Variants in PRKN observed in about 807,000 individuals in gnomAD.
PRKN encodes the protein parkin RBR E3 ubiquitin protein ligase, also known as E3 ubiquitin-protein ligase parkin.
PRKN carries 56 observed loss-of-function variants against 59.5 expected under a neutral mutation model. The observed-to-expected ratio is 0.94, with a 90% CI of 0.76 to 1.18. The LOEUF is 1.18. Ranked by LOEUF, PRKN falls within the 50% of genes most tolerant of loss-of-function variation. The pLI is 0.00. For missense variants in PRKN, 657 were observed against 596.4 expected (o/e 1.10, Z -1.06); for synonymous variants, 250 against 222.1 (o/e 1.13, Z -1.12).
At chr6:161,633,556 A>C (rs1783394754) in intron 7 of PRKN, among the ~76,000 whole-genome samples, 1 of 152,260 alleles carries the variant, frequency 6.6e-6, no homozygotes, top group African/African-American at 2.4e-5. Flanking sequence ...AGGATTTTGT[A>C]AAAGCCACAT....
Position 162,458,229 on chromosome 6 carries a change from C to G in PRKN, c.8-14756G>C, listed in dbSNP as rs370896508. Among the ~76,000 whole-genome samples, 782 of 123,564 alleles carry G rather than the reference C, an allele frequency of 6.3e-3. 7 individuals are homozygous for G. The highest frequency in any genetic ancestry group is 0.022 in the African/African-American group (748 of 34,050). 81.1% of individuals were successfully genotyped at this position (123,564 alleles called of 152,430 possible). A position where few individuals can be genotyped will look rare whatever the true frequency, so the allele number is the denominator to read the frequency against. Reference sequence around the variant, plus strand: ...CAAGATCGCTCCACTGCACTCCAGCCTGGGTGATAGAGTGAGACTCTATCT... The same window carrying G: ...CAAGATCGCTCCACTGCACTCCAGCGTGGGTGATAGAGTGAGACTCTATCT... On this transcript the variant is annotated intron_variant, in intron 1 of 11. Coordinates refer to ENST00000366898, the MANE Select transcript of PRKN (RefSeq NM_004562.3).
intron 4 of PRKN, among the ~76,000 whole-genome samples, chr6:162,174,336 C>A: frequency 6.6e-6 from 1 of 152,156 alleles, no homozygotes; most frequent in East Asian, 1.9e-4. Context: ...AATTTGCCCA[C>A]ACGCTAAATA....
chr6:162,134,411 GT>G (rs1189276706), intron 4 of PRKN, among the ~76,000 whole-genome samples: 2 of 152,268 alleles, frequency 1.3e-5, no homozygotes, highest in Non-Finnish European at 2.9e-5. Flanking sequence ...TTGTTTGCTT[GT>G]TTTATAAGTT....
At chr6:161,439,328 G>A (rs1477341522) in intron 9 of PRKN, among the ~76,000 whole-genome samples, 4 of 152,198 alleles carry the variant, frequency 2.6e-5, no homozygotes, top group East Asian at 1.9e-4. Flanking sequence ...TGCATCCCTC[G>A]CCTGATGGGG....
intron 1 of PRKN, among the ~76,000 whole-genome samples, chr6:162,509,915 A>T (rs1460537770): frequency 6.6e-6 from 1 of 152,176 alleles, no homozygotes; most frequent in Non-Finnish European, 1.5e-5. Flanking sequence ...TTATACAACT[A>T]GTTAATATAC....
chr6:162,263,417 A>AACAC (rs1209731704), intron 2 of PRKN: 2 of 163,146 alleles, frequency 1.2e-5, no homozygotes, highest in East Asian at 3.5e-4. Context: ...CACGGGCACC[A>AACAC]ACACACACAT....
intron 1 of PRKN, among the ~76,000 whole-genome samples, chr6:162,681,130 C>G (rs1300705382): frequency 2.0e-5 from 3 of 152,154 alleles, no homozygotes; most frequent in African/African-American, 7.2e-5. Context: ...ACAGCACATG[C>G]ACTCTGTTTC....
intron 4 of PRKN, among the ~76,000 whole-genome samples, chr6:162,154,771 TTTTC>T (rs1489385181): frequency 6.6e-6 from 1 of 152,072 alleles, no homozygotes; most frequent in Non-Finnish European, 1.5e-5. Context: ...ATTCATAATA[TTTTC>T]TTTATGAACT....
chr6:161,432,131 C>T (rs1172707054), intron 9 of PRKN, among the ~76,000 whole-genome samples: 1 of 152,188 alleles, frequency 6.6e-6, no homozygotes, highest in African/African-American at 2.4e-5. Context: ...ATTTCAGCAA[C>T]ACATAATATT....
intron 1 of PRKN, among the ~76,000 whole-genome samples, chr6:162,501,026 G>A (rs1306841123): frequency 6.6e-6 from 1 of 152,032 alleles, no homozygotes; most frequent in Non-Finnish European, 1.5e-5. Flanking sequence ...AACTAGCCAG[G>A]CATGGTGTTG....
intron 7 of PRKN, among the ~76,000 whole-genome samples, chr6:161,785,550 A>G (rs534396923): frequency 6.6e-6 from 1 of 152,306 alleles, no homozygotes; most frequent in East Asian, 1.9e-4. Context: ...ACTTATTCTC[A>G]ATGCCTTTAT....
intron 1 of PRKN, among the ~76,000 whole-genome samples, chr6:162,726,305 T>A (rs944581096): frequency 2.6e-5 from 4 of 152,240 alleles, no homozygotes; most frequent in Non-Finnish European, 5.9e-5. Context: ...ATTTTCTTCC[T>A]GTAGACTGAC....
intron 6 of PRKN, among the ~76,000 whole-genome samples, chr6:161,899,790 G>A (rs1025511930): frequency 2.0e-5 from 3 of 152,162 alleles, no homozygotes; most frequent in African/African-American, 4.8e-5. Flanking sequence ...TGTGTGTATT[G>A]TGGGATTGAG....
At chr6:162,436,975 C>T (rs989730386) in intron 2 of PRKN, among the ~76,000 whole-genome samples, 2 of 152,010 alleles carry the variant, frequency 1.3e-5, no homozygotes, top group African/African-American at 4.8e-5. Context: ...GCCTGTAATC[C>T]CAGCTACTCG....
intron 2 of PRKN, among the ~76,000 whole-genome samples, chr6:162,284,021 A>G (rs1781051521): frequency 1.3e-5 from 2 of 152,140 alleles, no homozygotes; most frequent in South Asian, 4.1e-4. Context: ...GCCAAAAGTA[A>G]ATAAAATAAA....
chr6:161,825,465 C>A (rs1332489197), intron 6 of PRKN, among the ~76,000 whole-genome samples: 2 of 152,152 alleles, frequency 1.3e-5, no homozygotes, highest in Admixed American at 1.3e-4. Context: ...TTCCAAAATC[C>A]TTCTGGTCTG....
At chr6:162,457,009 A>G (rs1790907699) in intron 1 of PRKN, among the ~76,000 whole-genome samples, 1 of 152,222 alleles carries the variant, frequency 6.6e-6, no homozygotes, top group Non-Finnish European at 1.5e-5. Context: ...CAAAGAGGGC[A>G]TTTGTTTGCA....
chr6:161,506,460 T>A (rs1026376287), intron 9 of PRKN, among the ~76,000 whole-genome samples: 11 of 152,348 alleles, frequency 7.2e-5, no homozygotes, highest in African/African-American at 2.6e-4. Context: ...TATACAATCA[T>A]GTCATCTGCA....
intron 7 of PRKN, among the ~76,000 whole-genome samples, chr6:161,774,476 G>A (rs937136498): frequency 6.6e-6 from 1 of 151,566 alleles, no homozygotes; most frequent in Non-Finnish European, 1.5e-5. Flanking sequence ...CTGGTACAAG[G>A]AACGTGGAAA....
Sources: allele counts gnomAD v4.1 joint callset (sites outside exome capture counted in the v4.1 genomes callset), GRCh38; gene constraint gnomAD v4.1.1; transcripts MANE v1.5; gene names NCBI Gene and HGNC (gene_info 2026-07-23, HGNC 2026-07-21).